The following MYOM2 variants were observed in gnomAD, a reference collection of about 807,000 sequenced individuals.
The protein encoded by MYOM2 is myomesin-2.
In MYOM2, 254 loss-of-function variants were observed where a neutral mutation model predicts 187.6. That is an observed-to-expected ratio of 1.35 (90% CI 1.22 to 1.50). The LOEUF is 1.50. Ranked by LOEUF, MYOM2 falls within the 40% of genes most tolerant of loss-of-function variation. The pLI is 0.00. For missense variants in MYOM2, 2,796 were observed against 1,924.0 expected (o/e 1.45, Z -8.48); for synonymous variants, 981 against 753.8 (o/e 1.30, Z -4.94).
intron 32 of MYOM2, among the ~76,000 whole-genome samples, chr8:2,134,049 A>ACGCC (rs757745700): frequency 7.1e-5 from 9 of 126,394 alleles, no homozygotes; most frequent in African/African-American, 3.4e-4. Flanking sequence ...AGGTTAGTGT[A>ACGCC]TTGTGTACCC....
intron 17 of MYOM2, 143 bp from the exon 18 acceptor site, chr8:2,096,104 G>C (rs1796472783): frequency 4.1e-6 from 3 of 724,114 alleles, no homozygotes; most frequent in African/African-American, 1.8e-5. Flanking sequence ...GTTAAGTGTG[G>C]GTTGAGAGGG....
Position 2,057,767 on chromosome 8 carries a change from C to A in MYOM2, c.547C>A (p.Pro183Thr). ...LCFTVQGFPT[P>T]VVQWYKDGSL... The stretch of plus-strand genomic sequence containing the variant: ...CTTCACCGTGCAAGGATTTCCCACG[C>A]CCGTGGTGCAGTGGTGAGGGGCTCT... Residue 183 changes from proline (P) to threonine (T), a missense_variant, in exon 5 of 37, where the codon CCC becomes ACC. By Grantham distance (38) the Pro-to-Thr change is conservative (BLOSUM62 -1). Transcript: ENST00000262113. The A allele has an allele frequency of 6.2e-7, 1 of 1,614,054 alleles. No individual in the cohort carries two copies. The highest frequency in any genetic ancestry group is 8.5e-7 in the Non-Finnish European group (1 of 1,179,974).
chr8:2,055,675 C>G (rs1024461774), intron 3 of MYOM2, among the ~76,000 whole-genome samples: 4 of 152,180 alleles, frequency 2.6e-5, no homozygotes, highest in African/African-American at 9.7e-5. Flanking sequence ...TGCCTAACAC[C>G]AGGCCTTAGT....
intron 17 of MYOM2, 138 bp from the exon 18 acceptor site, chr8:2,096,107 TGA>T: frequency 1.3e-6 from 1 of 740,972 alleles, no homozygotes; most frequent in Non-Finnish European, 2.3e-6. Flanking sequence ...AAGTGTGGGT[TGA>T]GAGGGATCAG....
intron 27 of MYOM2, among the ~76,000 whole-genome samples, chr8:2,117,442 T>C (rs1389300658): frequency 3.9e-5 from 6 of 152,236 alleles, no homozygotes; most frequent in Non-Finnish European, 8.8e-5. Context: ...ACAAAATTGC[T>C]AGGTCAAACT....
rs369478121 is a variant in MYOM2, at chr8:2,052,143, T to C, written c.108-15T>C. On this transcript the variant is annotated splice_polypyrimidine_tract_variant and intron_variant, in intron 2 of 36. Coordinates refer to ENST00000262113, the MANE Select transcript of MYOM2 (RefSeq NM_003970.4). The stretch of plus-strand genomic sequence containing the variant: ...CCTGAGCATGCATCTCCTAATCGTG[T>C]CCATGTTCCTGAAGGCGAGCTTCCA... The C allele has an allele frequency of 7.0e-4, 1,133 of 1,612,852 alleles. 3 individuals carry two copies. The highest frequency in any genetic ancestry group is 8.9e-4 in the Non-Finnish European group (1,054 of 1,179,550).
rs554963729 is a variant in MYOM2 at position 2,088,147 on chromosome 8, C to A, written c.1645-1861C>A. Among the ~76,000 whole-genome samples, 14 of 152,152 alleles carry A rather than the reference C, an allele frequency of 9.2e-5. 1 individual carries two copies. The South Asian group carries it at 2.9e-3, about 32-fold the overall frequency. On this transcript the variant is annotated intron_variant, in intron 14 of 36. Transcript: ENST00000262113. Reference sequence around the variant, plus strand: ...GTGATTTGAGAGATTTTGGTGCATCCATCACCCAAGCAGTATACGCTGCAC... The same window carrying A: ...GTGATTTGAGAGATTTTGGTGCATCAATCACCCAAGCAGTATACGCTGCAC...
At chr8:2,062,017 C>T (rs569416629) in intron 6 of MYOM2, among the ~76,000 whole-genome samples, 2 of 152,244 alleles carry the variant, frequency 1.3e-5, no homozygotes, top group Admixed American at 1.3e-4. Flanking sequence ...GAAATAGATG[C>T]CAGGTGGACC....
At chr8:2,093,564 C>T (rs1012959137) in intron 16 of MYOM2, among the ~76,000 whole-genome samples, 4 of 152,156 alleles carry the variant, frequency 2.6e-5, no homozygotes, top group Non-Finnish European at 5.9e-5. Context: ...TTTCAAAGCC[C>T]CAGTATTCGA....
chr8:2,089,454 A>G (rs1563450184), intron 14 of MYOM2, among the ~76,000 whole-genome samples: 1 of 152,214 alleles, frequency 6.6e-6, no homozygotes, highest in Non-Finnish European at 1.5e-5. Context: ...TCACAAAATA[A>G]CATAATTCCT....
chr8:2,121,828 C>T (rs1337786209), intron 28 of MYOM2, among the ~76,000 whole-genome samples: 1 of 152,198 alleles, frequency 6.6e-6, no homozygotes, highest in Non-Finnish European at 1.5e-5. Context: ...GTGAGTCAGG[C>T]ATGGGCCATA....
intron 6 of MYOM2, among the ~76,000 whole-genome samples, chr8:2,060,928 A>G (rs1818831898): frequency 6.6e-6 from 1 of 151,922 alleles, no homozygotes. Context: ...ACCAAGGAGT[A>G]GGGTAGGGCG....
chr8:2,093,329 T>C lies in MYOM2; in HGVS notation c.2004-641T>C, dbSNP rs1429401224. Among the ~76,000 whole-genome samples the C allele has an allele frequency of 1.3e-5, 2 of 152,042 alleles. 1 individual carries two copies. The highest frequency in any genetic ancestry group is 1.3e-4 in the Admixed American group (2 of 15,266). ...AAAACATGATTCCAGTACAGGGAAA[T>C]GGTTAGTGAATATTTATTGACTATA... is the stretch of plus-strand genomic sequence containing the variant. On this transcript the variant is annotated intron_variant, in intron 16 of 36. Coordinates refer to ENST00000262113, the MANE Select transcript of MYOM2 (RefSeq NM_003970.4).
intron 3 of MYOM2, among the ~76,000 whole-genome samples, chr8:2,052,641 C>A (rs11784563): frequency 6.6e-6 from 1 of 152,172 alleles, no homozygotes; most frequent in Non-Finnish European, 1.5e-5. Flanking sequence ...CTCCAGGGTC[C>A]GTGGCTTCCA....
intron 17 of MYOM2, among the ~76,000 whole-genome samples, chr8:2,095,511 C>A (rs1370800413): frequency 6.6e-6 from 1 of 152,136 alleles, no homozygotes; most frequent in African/African-American, 2.4e-5. Flanking sequence ...AGGCTGATCT[C>A]AAACTCAGGA....
At chr8:2,137,048 A>G (rs1306193047) in intron 32 of MYOM2, among the ~76,000 whole-genome samples, 3 of 151,786 alleles carry the variant, frequency 2.0e-5, no homozygotes, top group South Asian at 4.2e-4. Context: ...CCCACGGAAG[A>G]ATTTCTAGTC....
At position 2,069,472 on chromosome 8, in the gene MYOM2, C is replaced by G; in HGVS notation, c.768C>G (p.Phe256Leu). 2 of 1,614,182 alleles carry G rather than the reference C, an allele frequency of 1.2e-6. No individual in the cohort carries two copies. Among genetic ancestry groups the G allele is most frequent in the Non-Finnish European group, 8.5e-7 (1 of 1,180,028 alleles). Residue 256 changes from phenylalanine to leucine, a missense_variant, in exon 8 of 37, where the codon TTC (phenylalanine) becomes TTG (leucine). By Grantham distance (22) the Phe-to-Leu change is conservative. Transcript: ENST00000262113. ...GGTTCCGGGGAGACGAGGAACCATT[C>G]CGTTCGGTGGGACTCCCGATTGGAT... Reference protein sequence around the residue: ...VRRFRGDEEPFRSVGLPIGLP... With the variant: ...VRRFRGDEEPLRSVGLPIGLP...
Position 2,144,898 on chromosome 8 carries a change from G to C in MYOM2, c.4315G>C (p.Gly1439Arg), listed in dbSNP as rs1459581344. The stretch of plus-strand genomic sequence containing the variant: ...CGTGACAGTGAGCGTGTACAAACAC[G>C]GGGAGAAGATCCCGGACATGGCCCC... The part of the protein sequence containing the change: ...IDVTVSVYKH[G>R]EKIPDMAPPQ... The change falls in exon 37 of 37, where the codon GGG becomes CGG. Residue 1439 changes from glycine (G) to arginine (R), a missense_variant. Physicochemically the swap from Gly to Arg is moderately radical, Grantham distance 125 (BLOSUM62 -2). Transcript: ENST00000262113. 1 of 1,614,088 alleles carries C rather than the reference G, an allele frequency of 6.2e-7. No individual in the cohort carries two copies. The highest frequency in any genetic ancestry group is 8.5e-7 in the Non-Finnish European group (1 of 1,180,016).
intron 32 of MYOM2, among the ~76,000 whole-genome samples, chr8:2,139,237 G>T (rs991023019): frequency 5.9e-5 from 9 of 152,182 alleles, no homozygotes; most frequent in Non-Finnish European, 1.2e-4. Context: ...ACCTCCTCGG[G>T]CTCAGGCAGT....
Sources: allele counts gnomAD v4.1 joint callset (sites outside exome capture counted in the v4.1 genomes callset), GRCh38; gene constraint gnomAD v4.1.1; transcripts MANE v1.5; gene names NCBI Gene and HGNC (gene_info 2026-07-23, HGNC 2026-07-21).